Variants in PRUNE2 observed in about 807,000 individuals in gnomAD.
PRUNE2 encodes the protein prune homolog 2 with BCH domain, also known as protein prune homolog 2.
PRUNE2 carries 164 observed loss-of-function variants against 252.0 expected under a neutral mutation model. The ratio of observed to expected loss-of-function variants is 0.65; its 90% CI spans 0.57 to 0.74. The LOEUF is 0.74. PRUNE2 is among the 30% of genes least tolerant of loss of function. PRUNE2 has a pLI of 0.00. For missense variants in PRUNE2, 3,495 were observed against 3,711.0 expected, an observed-to-expected ratio of 0.94 and a Z score of 1.51; for synonymous variants, 1,292 against 1,350.2, an observed-to-expected ratio of 0.96 and a Z score of 0.94.
chr9:76,863,555 C>T (rs187477892), intron 1 of PRUNE2, among the ~76,000 whole-genome samples: 1 of 152,282 alleles, frequency 6.6e-6, no homozygotes, highest in African/African-American at 2.4e-5. Flanking sequence ...TGGCCTTGGG[C>T]ATTATGGAAC....
chr9:76,682,115 A>G (rs1486896903), intron 9 of PRUNE2, among the ~76,000 whole-genome samples: 1 of 152,118 alleles, frequency 6.6e-6, no homozygotes, highest in African/African-American at 2.4e-5. Flanking sequence ...AGGAGAGAGA[A>G]GAGATTTGGC....
rs761215567 is a variant in PRUNE2 at position 76,611,918 on chromosome 9, T to C, written c.*2652A>G. 2.6e-5 allele frequency: 4 copies of C among 152,604 alleles called. No individual in the cohort carries two copies. Among genetic ancestry groups the C allele is most frequent in the Admixed American group, 6.5e-5 (1 of 15,268 alleles). The allele number at this position is 152,604 out of a possible 1,614,324, so 9.5% of individuals were successfully genotyped here. The stretch of plus-strand genomic sequence containing the variant: ...CTTGGTTCCCTTAACTACAGATCTA[T>C]AGGAGAAATGCAAAGCAGTTCCCAG... On this transcript the variant is annotated 3_prime_UTR_variant, in exon 19 of 19. Coordinates refer to ENST00000376718, the MANE Select transcript of PRUNE2 (RefSeq NM_015225.3).
At chr9:76,624,000 C>T (rs1353932989) in intron 17 of PRUNE2, among the ~76,000 whole-genome samples, 2 of 152,114 alleles carry the variant, frequency 1.3e-5, no homozygotes, top group Non-Finnish European at 2.9e-5. Context: ...GCAATATTTC[C>T]AAAGTCATTA....
intron 1 of PRUNE2, 22 bp downstream of exon 1, chr9:76,905,906 C>A: frequency 6.2e-7 from 1 of 1,614,206 alleles, no homozygotes; most frequent in Non-Finnish European, 8.5e-7. Context: ...CGCACACACA[C>A]AGCTTTGCTC....
intron 1 of PRUNE2, among the ~76,000 whole-genome samples, chr9:76,894,319 A>G (rs916807295): frequency 3.3e-5 from 5 of 152,204 alleles, no homozygotes; most frequent in Non-Finnish European, 7.3e-5. Context: ...GTCGCATGAA[A>G]AACAAACCAG....
At chr9:76,713,870 G>T (rs1029219341) in intron 6 of PRUNE2, 149 bp from the exon 7 acceptor site, 1 of 519,340 alleles carries the variant, frequency 1.9e-6, no homozygotes, top group Non-Finnish European at 3.3e-6. Flanking sequence ...AGAAGGAGTG[G>T]AAACTTTCAT....
At chr9:76,795,444 A>G (rs2056000750) in intron 6 of PRUNE2, among the ~76,000 whole-genome samples, 1 of 152,192 alleles carries the variant, frequency 6.6e-6, no homozygotes, top group African/African-American at 2.4e-5. Flanking sequence ...ATCCCATCTT[A>G]GCAGACCCCA....
At chr9:76,832,396 C>A (rs546115468) in intron 4 of PRUNE2, among the ~76,000 whole-genome samples, 1 of 151,968 alleles carries the variant, frequency 6.6e-6, no homozygotes, top group Non-Finnish European at 1.5e-5. Flanking sequence ...CAAAAGGTGG[C>A]CACTATAGAG....
At chr9:76,792,106 C>A (rs2055606048) in intron 6 of PRUNE2, among the ~76,000 whole-genome samples, 1 of 151,984 alleles carries the variant, frequency 6.6e-6, no homozygotes, top group South Asian at 2.1e-4. Flanking sequence ...GTATCCCCAC[C>A]CAAATCTCAT....
chr9:76,878,553 A>C (rs1036237823), intron 1 of PRUNE2, among the ~76,000 whole-genome samples: 7 of 152,174 alleles, frequency 4.6e-5, no homozygotes, highest in African/African-American at 1.7e-4. Flanking sequence ...CAGAAAACTT[A>C]GAGTTCAGTA....
chr9:76,810,744 C>T (rs983333912), intron 6 of PRUNE2, among the ~76,000 whole-genome samples: 5 of 151,890 alleles, frequency 3.3e-5, no homozygotes, highest in African/African-American at 1.2e-4. Context: ...TTCATTTTAG[C>T]GTGTACTAAA....
rs375823786 is a variant in PRUNE2, at chr9:76,705,599, G to A, written c.6675C>T (p.Ile2225=). The A allele has an allele frequency of 5.0e-6, 8 of 1,614,014 alleles. No homozygotes were observed. The highest frequency in any genetic ancestry group is 5.9e-6 in the Non-Finnish European group (7 of 1,179,874). The stretch of plus-strand genomic sequence containing the variant: ...TAGTTGCCACATTTTCAATCCTTGG[G>A]ATTCTTCTGTCAACTGGTTCCAAAA... ...APILEPVDRR[I]PRIENVATSI... Residue 2225 remains isoleucine (I), a synonymous_variant, in exon 8 of 19, where the codon ATC becomes ATT. Coordinates refer to ENST00000376718, the MANE Select transcript of PRUNE2 (RefSeq NM_015225.3).
rs2046309637 is a variant in PRUNE2, at chr9:76,706,294, C to T, written c.5980G>A (p.Glu1994Lys). The T allele has an allele frequency of 6.2e-7, 1 of 1,613,848 alleles. No homozygotes were observed. Among genetic ancestry groups the T allele is most frequent in the African/African-American group, 1.3e-5 (1 of 74,908 alleles). The change falls in exon 8 of 19, where the codon GAA becomes AAA. Residue 1994 changes from glutamate (E) to lysine (K), a missense_variant. Transcript: ENST00000376718. ...TTTTCTTGTTCCCACTGATTTGTTT[C>T]TTGACCTTCATTAGTTGAAACATTA... ...TSNVSTNEGQETNQWEQEKSY... is the reference protein window; with the variant it reads ...TSNVSTNEGQKTNQWEQEKSY...
intron 1 of PRUNE2, among the ~76,000 whole-genome samples, chr9:76,892,183 C>A (rs2062522825): frequency 6.6e-6 from 1 of 152,122 alleles, no homozygotes; most frequent in African/African-American, 2.4e-5. Flanking sequence ...TTGCTCAGAT[C>A]CACAATGTAT....
chr9:76,765,519 T>C (rs2052254248), intron 6 of PRUNE2, among the ~76,000 whole-genome samples: 1 of 152,180 alleles, frequency 6.6e-6, no homozygotes, highest in Non-Finnish European at 1.5e-5. Context: ...GCTCTCATAA[T>C]TGCATTCTAG....
chr9:76,705,231 G>C lies in PRUNE2; in HGVS notation c.7043C>G (p.Ser2348Trp). 3 of 1,613,954 alleles carry C rather than the reference G, an allele frequency of 1.9e-6. No homozygotes were observed. The highest frequency in any genetic ancestry group is 2.5e-6 in the Non-Finnish European group (3 of 1,179,890). The change falls in exon 8 of 19, where the codon TCG becomes TGG. Residue 2348 changes from serine (S) to tryptophan (W), a missense_variant. Ser to Trp is a radical substitution (Grantham distance 177). Transcript: ENST00000376718. ...TACATCATATTCAAAATCACCCCAC[G>C]AGGCTTCAGATGAGCAGATATCTTG... Reference protein sequence around the residue: ...GKQDICSSEASWGDFEYDVMG... With the variant: ...GKQDICSSEAWWGDFEYDVMG...
intron 6 of PRUNE2, among the ~76,000 whole-genome samples, chr9:76,760,398 A>G (rs1330081137): frequency 2.6e-5 from 4 of 152,136 alleles, no homozygotes; most frequent in Non-Finnish European, 5.9e-5. Context: ...GTCACCCTTG[A>G]TATCACTGCT....
intron 6 of PRUNE2, among the ~76,000 whole-genome samples, chr9:76,809,197 G>A (rs909612887): frequency 4.6e-5 from 7 of 152,060 alleles, no homozygotes; most frequent in Non-Finnish European, 1.5e-5. Context: ...TGCTTCTTTC[G>A]TATAGGTAGT....
intron 6 of PRUNE2, among the ~76,000 whole-genome samples, chr9:76,732,669 A>C (rs545047676): frequency 6.6e-6 from 1 of 152,344 alleles, no homozygotes; most frequent in African/African-American, 2.4e-5. Flanking sequence ...GGCTTGAGAC[A>C]TCACATTAGT....
Sources: allele counts gnomAD v4.1 joint callset (sites outside exome capture counted in the v4.1 genomes callset), GRCh38; gene constraint gnomAD v4.1.1; transcripts MANE v1.5; gene names NCBI Gene and HGNC (gene_info 2026-07-23, HGNC 2026-07-21).